Variants in BTBD10 observed in about 807,000 individuals in gnomAD.
BTBD10 encodes BTB/POZ domain-containing protein 10.
A neutral mutation model predicts 53.2 loss-of-function variants in BTBD10; 21 were observed. The observed-to-expected ratio is 0.39, with a 90% CI of 0.28 to 0.57. The LOEUF is 0.57. BTBD10 is among the 20% of genes least tolerant of loss of function. BTBD10 has a pLI of 0.53. For synonymous variants in BTBD10, 149 were observed against 192.7 expected (o/e 0.77, Z 1.88); for missense variants, 360 against 594.7 (o/e 0.61, Z 4.10).
At chr11:13,459,028 T>G (rs1206971529) in intron 1 of BTBD10, among the ~76,000 whole-genome samples, 2 of 149,104 alleles carry the variant, frequency 1.3e-5, no homozygotes, top group East Asian at 2.0e-4. Context: ...GCATTAAAAT[T>G]TATTTATTTA....
At position 13,440,771 on chromosome 11, in the gene BTBD10, T is replaced by G. The variant is rs139631929; in HGVS notation, c.101+4253A>C. On this transcript the variant is annotated intron_variant, in intron 2 of 8. Transcript: ENST00000278174. ...TTTATCTTTAGTAACCTGAGTGGAC[T>G]GCAGACCTGAGTTTTATATGGTCAT... Among the ~76,000 whole-genome samples, 54 of 152,318 alleles carry G rather than the reference T, an allele frequency of 3.5e-4. No individual in the cohort carries two copies. In the Middle Eastern group the frequency reaches 0.01, roughly 29 times the overall value.
chr11:13,391,787 T>A (rs1299427823), intron 8 of BTBD10, among the ~76,000 whole-genome samples: 1 of 152,136 alleles, frequency 6.6e-6, no homozygotes, highest in South Asian at 2.1e-4. Context: ...CTACTAAAAA[T>A]ACAAAAATTA....
intron 1 of BTBD10, among the ~76,000 whole-genome samples, chr11:13,455,099 G>C (rs982037209): frequency 6.6e-6 from 1 of 152,162 alleles, no homozygotes; most frequent in Admixed American, 6.5e-5. Context: ...TTTTAGTAGA[G>C]ACAGGGTTTC....
chr11:13,413,708 T>G, intron 5 of BTBD10, 58 bp from the exon 6 acceptor site: 2 of 1,489,040 alleles, frequency 1.3e-6, no homozygotes, highest in Non-Finnish European at 1.8e-6. Flanking sequence ...TAGCCAAAAC[T>G]TATTATTAAG....
intron 2 of BTBD10, among the ~76,000 whole-genome samples, chr11:13,439,716 T>A (rs936101320): frequency 6.6e-6 from 1 of 152,182 alleles, no homozygotes; most frequent in East Asian, 1.9e-4. Flanking sequence ...TCATTTATTT[T>A]AAGTAACTTG....
chr11:13,412,207 A>C (rs1168973662), intron 6 of BTBD10, among the ~76,000 whole-genome samples: 1 of 152,108 alleles, frequency 6.6e-6, no homozygotes, highest in Non-Finnish European at 1.5e-5. Context: ...TAATCCCAGC[A>C]CTTTGGGAGA....
intron 1 of BTBD10, among the ~76,000 whole-genome samples, chr11:13,451,852 G>A (rs78552116): frequency 0.016 from 2,402 of 152,140 alleles, 64 homozygotes; most frequent in African/African-American, 0.055. Flanking sequence ...CCTATACAAA[G>A]AACTAAAAGA....
At chr11:13,389,969 CAACCA>C in intron 8 of BTBD10, among the ~76,000 whole-genome samples, 1 of 152,140 alleles carries the variant, frequency 6.6e-6, no homozygotes. Flanking sequence ...CTACTCCCAA[CAACCA>C]AGCATTCAAT....
At chr11:13,397,640 T>A (rs1949591031) in intron 8 of BTBD10, among the ~76,000 whole-genome samples, 1 of 152,210 alleles carries the variant, frequency 6.6e-6, no homozygotes. Context: ...TGTTAGGGTG[T>A]CAATTTTAGA....
rs1417503383 is a variant in BTBD10 at position 13,421,657 on chromosome 11, G to T, written c.283C>A (p.Arg95=). The T allele has an allele frequency of 1.9e-6, 3 of 1,612,992 alleles. No homozygotes were observed. Among genetic ancestry groups the T allele is most frequent in the Non-Finnish European group, 2.5e-6 (3 of 1,179,412 alleles). ...TTTTACATACCAACATGGTGCTGTC[G>T]TGTTGGAGAAGTCACATTTCTAATA... ...PCIRNVTSPT[R]QHHVEREKDH... is the part of the protein sequence containing the mutation. Residue 95 remains arginine, a synonymous_variant, in exon 3 of 9, where the codon CGA becomes AGA. Coordinates refer to ENST00000278174, the MANE Select transcript of BTBD10 (RefSeq NM_032320.7).
intron 2 of BTBD10, among the ~76,000 whole-genome samples, chr11:13,440,542 T>C (rs1950627631): frequency 6.6e-6 from 1 of 152,210 alleles, no homozygotes; most frequent in South Asian, 2.1e-4. Flanking sequence ...GAAAATATTA[T>C]TGTACTTAAT....
chr11:13,442,990 T>C (rs570855721), intron 2 of BTBD10, among the ~76,000 whole-genome samples: 9 of 152,270 alleles, frequency 5.9e-5, no homozygotes, highest in African/African-American at 2.2e-4. Flanking sequence ...TTCATAGTCT[T>C]TGCATTAAAA....
intron 8 of BTBD10, among the ~76,000 whole-genome samples, chr11:13,399,113 G>T (rs1029270833): frequency 3.9e-5 from 6 of 152,174 alleles, no homozygotes; most frequent in Admixed American, 3.9e-4. Flanking sequence ...GATTGGGGAA[G>T]TTCTCCTGGA....
Position 13,455,946 on chromosome 11 carries a change from AAT to A in BTBD10, c.-58+7144_-58+7145del, listed in dbSNP as rs1267265316. 2.0e-5 allele frequency among the ~76,000 whole-genome samples: 3 copies of A among 152,284 alleles called. No individual in the cohort carries two copies. The East Asian group carries it at 5.8e-4, about 29-fold the overall frequency. On this transcript the variant is annotated intron_variant, in intron 1 of 8. Transcript: ENST00000278174. ...CAACAGGCTAGTAAAGGCTCTATTAAATATGATTCAAGTTCTAGACTGTAGCA... is the reference window on the plus strand; with the variant it reads ...CAACAGGCTAGTAAAGGCTCTATTAAATGATTCAAGTTCTAGACTGTAGCA...
At chr11:13,441,037 A>G (rs538946310) in intron 2 of BTBD10, among the ~76,000 whole-genome samples, 1 of 152,298 alleles carries the variant, frequency 6.6e-6, no homozygotes, top group East Asian at 1.9e-4. Flanking sequence ...GTATATAACT[A>G]TGCAACTCTA....
At chr11:13,414,316 A>G (rs922376117) in intron 5 of BTBD10, among the ~76,000 whole-genome samples, 2 of 152,200 alleles carry the variant, frequency 1.3e-5, no homozygotes, top group Non-Finnish European at 2.9e-5. Context: ...CAATTCCACA[A>G]GGGGAAATAT....
chr11:13,448,693 C>G (rs1950794566), intron 1 of BTBD10, among the ~76,000 whole-genome samples: 1 of 152,064 alleles, frequency 6.6e-6, no homozygotes, highest in African/African-American at 2.4e-5. Flanking sequence ...GGCTGACCTC[C>G]TTACCACCAT....
intron 6 of BTBD10, among the ~76,000 whole-genome samples, chr11:13,410,048 G>C (rs1034383690): frequency 7.9e-5 from 12 of 152,156 alleles, no homozygotes; most frequent in Non-Finnish European, 1.5e-4. Context: ...ACTGAGTACA[G>C]TGTACGCTGT....
intron 1 of BTBD10, among the ~76,000 whole-genome samples, chr11:13,446,649 T>C (rs1950753970): frequency 6.6e-6 from 1 of 152,184 alleles, no homozygotes; most frequent in South Asian, 2.1e-4. Context: ...CCACATAGTT[T>C]ATTTGCTGAA....
Sources: gnomAD v4.1 joint callset for allele counts (sites outside exome capture counted in the v4.1 genomes callset) on GRCh38, gnomAD v4.1.1 for gene constraint, MANE v1.5 for transcripts, NCBI Gene and HGNC (gene_info 2026-07-23, HGNC 2026-07-21) for gene names.